Variants in PRKG1 observed in about 807,000 individuals in gnomAD.
The protein encoded by PRKG1 is protein kinase cGMP-dependent 1, also known as cGMP-dependent protein kinase 1.
A neutral mutation model predicts 88.1 loss-of-function variants in PRKG1; 35 were observed. That is an observed-to-expected ratio of 0.40 (90% confidence interval 0.30 to 0.53). PRKG1 has a LOEUF of 0.53. PRKG1 is among the 20% of genes least tolerant of loss of function. The pLI is 0.59. For synonymous variants in PRKG1, 303 were observed against 292.5 expected (o/e 1.04, Z -0.37); for missense variants, 540 against 839.8 (o/e 0.64, Z 4.41).
chr10:52,009,285 C>T lies in PRKG1; in HGVS notation c.763-45199C>T, dbSNP rs528510649. 1.1e-3 allele frequency among the ~76,000 whole-genome samples: 165 copies of T among 152,180 alleles called. 2 individuals carry two copies. In the South Asian group the frequency reaches 0.034, roughly 31 times the overall value. ...TATCTAGAAAACCCCATTGTTTCTG[C>T]CCCAAAGGTCCTTGATCTGAGGAAC... is the stretch of plus-strand genomic sequence containing the variant. On this transcript the variant is annotated intron_variant, in intron 5 of 17. Transcript: ENST00000373980.
intron 5 of PRKG1, among the ~76,000 whole-genome samples, chr10:51,991,601 A>G (rs1431320968): frequency 6.6e-6 from 1 of 152,030 alleles, no homozygotes; most frequent in Admixed American, 6.6e-5. Flanking sequence ...TCATTGTTCA[A>G]TTCCCACCTA....
At chr10:51,881,944 G>C (rs1371478855) in intron 4 of PRKG1, among the ~76,000 whole-genome samples, 1 of 152,072 alleles carries the variant, frequency 6.6e-6, no homozygotes, top group Non-Finnish European at 1.5e-5. Context: ...GTCTGTTTTT[G>C]ACCACCATGC....
chr10:51,479,813 A>G (rs1040226614), intron 3 of PRKG1, among the ~76,000 whole-genome samples: 2 of 152,088 alleles, frequency 1.3e-5, no homozygotes, highest in Non-Finnish European at 2.9e-5. Flanking sequence ...TATGTTCAAC[A>G]GTAATACATG....
At position 51,716,688 on chromosome 10, in the gene PRKG1, T is replaced by C. The variant is rs144250497; in HGVS notation, c.593-87897T>C. ...AGTGAATGTAGGGCAGTTTTGTTAA[T>C]AATATTGCTGTTTTTTCTGAGATGG... On this transcript the variant is annotated intron_variant, in intron 3 of 17. Coordinates refer to ENST00000373980, the MANE Select transcript of PRKG1 (RefSeq NM_006258.4). Among the ~76,000 whole-genome samples the C allele has an allele frequency of 6.4e-3, 981 of 152,286 alleles. 10 individuals are homozygous for C. Among genetic ancestry groups the C allele is most frequent in the African/African-American group, 0.022 (918 of 41,542 alleles).
At chr10:51,910,324 A>G (rs1452949750) in intron 5 of PRKG1, 1 of 152,154 alleles carries the variant, frequency 6.6e-6, no homozygotes, top group Non-Finnish European at 1.5e-5. Flanking sequence ...TCCTGATGGA[A>G]GTTAGGCTCC....
At chr10:51,280,407 A>G (rs1840260253) in intron 2 of PRKG1, among the ~76,000 whole-genome samples, 2 of 152,080 alleles carry the variant, frequency 1.3e-5, no homozygotes. Flanking sequence ...CTGAATTTGA[A>G]TGTTGGCCTG....
chr10:51,072,187 C>A (rs1843841631), upstream of PRKG1, among the ~76,000 whole-genome samples: 1 of 149,026 alleles, frequency 6.7e-6, no homozygotes, highest in Admixed American at 6.8e-5. Context: ...CAGAGCAAAA[C>A]TCCGTCTCAA....
chr10:51,778,579 T>C (rs962645915), intron 3 of PRKG1, among the ~76,000 whole-genome samples: 16 of 152,284 alleles, frequency 1.1e-4, no homozygotes, highest in African/African-American at 3.6e-4. Flanking sequence ...TTTTAAAGAG[T>C]GAATTATTCT....
intron 1 of PRKG1, among the ~76,000 whole-genome samples, chr10:51,063,839 A>G (rs546748696): frequency 1.1e-4 from 16 of 152,144 alleles, no homozygotes; most frequent in African/African-American, 1.7e-4. Context: ...GGAGTAGAAC[A>G]TTTGGACAGT....
At chr10:51,205,227 C>A (rs1470267899) in intron 2 of PRKG1, among the ~76,000 whole-genome samples, 1 of 143,382 alleles carries the variant, frequency 7.0e-6, no homozygotes, top group Non-Finnish European at 1.5e-5. Context: ...ACCACCTCTG[C>A]CTCCCAGGTT....
At chr10:51,390,839 T>C (rs988818037) in intron 2 of PRKG1, among the ~76,000 whole-genome samples, 2 of 152,182 alleles carry the variant, frequency 1.3e-5, no homozygotes, top group African/African-American at 4.8e-5. Context: ...GTCATTACTG[T>C]TACCTACAGG....
chr10:51,142,473 A>G (rs1845841390), intron 1 of PRKG1, among the ~76,000 whole-genome samples: 1 of 152,136 alleles, frequency 6.6e-6, no homozygotes, highest in Non-Finnish European at 1.5e-5. Flanking sequence ...AAGAGAGAAG[A>G]AACAGTGAGA....
chr10:51,674,034 G>T (rs769851225), intron 3 of PRKG1, among the ~76,000 whole-genome samples: 1 of 152,114 alleles, frequency 6.6e-6, no homozygotes, highest in African/African-American at 2.4e-5. Flanking sequence ...ATGCAGAGGG[G>T]CATATTGGAG....
chr10:51,515,150 C>G (rs1012306828), intron 3 of PRKG1, among the ~76,000 whole-genome samples: 1 of 152,040 alleles, frequency 6.6e-6, no homozygotes, highest in African/African-American at 2.4e-5. Context: ...TAGGTTTATA[C>G]TCAATTATAT....
intron 3 of PRKG1, among the ~76,000 whole-genome samples, chr10:51,516,250 CCT>C (rs1323954845): frequency 6.6e-6 from 1 of 152,098 alleles, no homozygotes; most frequent in Non-Finnish European, 1.5e-5. Flanking sequence ...CACCTCTCTG[CCT>C]CTCTCTTCTG....
chr10:52,108,827 T>G (rs1011838817), intron 7 of PRKG1, among the ~76,000 whole-genome samples: 1 of 128,364 alleles, frequency 7.8e-6, no homozygotes, highest in African/African-American at 2.8e-5. Context: ...AAGTATTCCT[T>G]TTTTTTTTTT....
At chr10:52,115,289 A>G (rs965293650) in intron 7 of PRKG1, among the ~76,000 whole-genome samples, 17 of 152,064 alleles carry the variant, frequency 1.1e-4, no homozygotes, top group African/African-American at 4.1e-4. Flanking sequence ...ACATAGGTTT[A>G]ACAATGTGTT....
intron 5 of PRKG1, among the ~76,000 whole-genome samples, chr10:51,945,793 T>C (rs1843017356): frequency 1.3e-5 from 2 of 151,888 alleles, no homozygotes; most frequent in South Asian, 4.1e-4. Flanking sequence ...CCCCACTCTC[T>C]TCTGGCTTGT....
At chr10:51,848,988 A>T (rs1476464438) in intron 4 of PRKG1, among the ~76,000 whole-genome samples, 2 of 152,138 alleles carry the variant, frequency 1.3e-5, no homozygotes, top group African/African-American at 2.4e-5. Flanking sequence ...CAATATATTT[A>T]AACTACAAAA....
Sources: allele counts gnomAD v4.1 joint callset (sites outside exome capture counted in the v4.1 genomes callset), GRCh38; gene constraint gnomAD v4.1.1; transcripts MANE v1.5; gene names NCBI Gene and HGNC (gene_info 2026-07-23, HGNC 2026-07-21).